The following SAMD11 variants were observed in gnomAD, a reference collection of about 807,000 sequenced individuals.
SAMD11 encodes sterile alpha motif domain-containing protein 11.
Under a neutral mutation model 64.4 loss-of-function variants are expected in SAMD11, and 77 were observed. The observed-to-expected ratio is 1.20, with a 90% CI of 0.99 to 1.44. The LOEUF (loss-of-function observed/expected upper bound fraction) is 1.44, where lower values mean the gene tolerates loss of function less well. Among genes scored for constraint, SAMD11 ranks in the 40% most tolerant of loss-of-function variants. The pLI, the probability that SAMD11 is intolerant of heterozygous loss-of-function variation, is 0.00. For missense variants in SAMD11, 1,402 were observed against 943.3 expected (o/e 1.49, Z -6.37); for synonymous variants, 658 against 421.9 (o/e 1.56, Z -6.86).
rs201447515 is a variant in SAMD11 at position 943,287 on chromosome 1, G to T, written c.2088G>T (p.Glu696Asp). The T allele has an allele frequency of 1.8e-5, 29 of 1,612,648 alleles. No individual in the cohort carries two copies. In the East Asian group the frequency reaches 6.0e-4, roughly 34 times the overall value. Residue 696 changes from glutamate to aspartate, a missense_variant, in exon 12 of 14, where the codon GAG becomes GAT. Transcript: ENST00000616016. ...GGGGACTCTCCATGGATGGGGAGGA[G>T]GCCCCAGCCCCTGAGGACGTCACCA... is the stretch of plus-strand genomic sequence containing the variant. ...AVGGLSMDGEEAPAPEDVTKW... is the reference protein window; with the variant it reads ...AVGGLSMDGEDAPAPEDVTKW...
At position 935,767 on chromosome 1, in the gene SAMD11, T is replaced by G. The variant is rs1479726301; in HGVS notation, c.843-5T>G. Reference sequence around the variant, plus strand: ...GGGTCAGCTTTTCCCGGTCTCGTTCTGCAGCCAGGACGGCAACCTTCCCAC... The same window carrying G: ...GGGTCAGCTTTTCCCGGTCTCGTTCGGCAGCCAGGACGGCAACCTTCCCAC... On this transcript the variant is annotated splice_region_variant and splice_polypyrimidine_tract_variant and intron_variant, in intron 4 of 13. Coordinates refer to ENST00000616016, the MANE Select transcript of SAMD11 (RefSeq NM_001385641.1). The G allele has an allele frequency of 8.7e-6, 14 of 1,613,284 alleles. No individual in the cohort carries two copies. The highest frequency in any genetic ancestry group is 1.2e-5 in the Non-Finnish European group (14 of 1,179,752).
intron 9 of SAMD11, 43 bp downstream of exon 9, chr1:942,294 C>A: frequency 1.9e-6 from 2 of 1,030,566 alleles, no homozygotes; most frequent in Non-Finnish European, 2.6e-6. Context: ...CGCGTGGAGG[C>A]TCGCGGACCC....
chr1:938,911 A>C (rs1004246047), intron 5 of SAMD11, 129 bp from the exon 6 acceptor site: 1 of 794,360 alleles, frequency 1.3e-6, no homozygotes, highest in African/African-American at 1.7e-5. Context: ...GGGCTGGGCA[A>C]GGCCTGTACT....
intron 4 of SAMD11, among the ~76,000 whole-genome samples, chr1:935,449 CTTT>C (rs1487824676): frequency 6.6e-6 from 1 of 152,178 alleles, no homozygotes; most frequent in East Asian, 1.9e-4. Context: ...CCTCGACCCC[CTTT>C]GAGGCAGGGA....
chr1:935,046 G>A (rs1170777756), intron 4 of SAMD11, among the ~76,000 whole-genome samples: 1 of 152,124 alleles, frequency 6.6e-6, no homozygotes, highest in Non-Finnish European at 1.5e-5. Context: ...TCACGGAACC[G>A]GGAAGGGGTG....
chr1:925,818 G>T, intron 1 of SAMD11, 104 bp from the exon 2 acceptor site: 2 of 805,660 alleles, frequency 2.5e-6, no homozygotes, highest in Non-Finnish European at 4.2e-6. Context: ...TGGGGTTCGG[G>T]GTGTATTTCG....
intron 4 of SAMD11, among the ~76,000 whole-genome samples, chr1:932,958 G>A (rs979980784): frequency 3.3e-5 from 5 of 152,324 alleles, no homozygotes; most frequent in Middle Eastern, 3.4e-3. Context: ...AATGAGGGGC[G>A]GTGGCGGGAG....
Position 924,153 on chromosome 1 carries a change from G to A in SAMD11, c.-279G>A, listed in dbSNP as rs1640779959. The A allele has an allele frequency of 6.7e-6, 1 of 149,622 alleles. No individual in the cohort carries two copies. The highest frequency in any genetic ancestry group is 2.4e-5 in the African/African-American group (1 of 41,148). The allele number at this position is 149,622 out of a possible 1,614,324, so 9.3% of individuals were successfully genotyped here. Reference sequence around the variant, plus strand: ...GGGCGCGGGACTCCAGACGCCCCGGGGAGCCCCGAGGCCCTGGAACTGCGG... The same window carrying A: ...GGGCGCGGGACTCCAGACGCCCCGGAGAGCCCCGAGGCCCTGGAACTGCGG... On this transcript the variant is annotated 5_prime_UTR_variant, in exon 1 of 14. Coordinates refer to ENST00000616016, the MANE Select transcript of SAMD11 (RefSeq NM_001385641.1).
rs1557608205 is a variant in SAMD11 at position 940,305 on chromosome 1, C to CG, written c.1196-839_1196-838insG. On this transcript the variant is annotated intron_variant, in intron 7 of 13. Coordinates refer to ENST00000616016, the MANE Select transcript of SAMD11 (RefSeq NM_001385641.1). ...ATCAGGCCGCGCCGCCGCCCCCCCC[C>CG]CCCGCCCCGCCGCGGAGCCGGCCGT... The CG allele has an allele frequency of 8.4e-4, 121 of 143,966 alleles. 1 individual carries two copies. Among genetic ancestry groups the CG allele is most frequent in the African/African-American group, 2.6e-3 (105 of 40,504 alleles). The allele number at this position is 143,966 out of a possible 1,614,324, so 8.9% of individuals were successfully genotyped here.
Position 942,688 on chromosome 1 carries a change from G to C in SAMD11, c.1683G>C (p.Leu561=). 4.2e-6 allele frequency: 6 copies of C among 1,433,930 alleles called. No individual in the cohort carries two copies. The highest frequency in any genetic ancestry group is 5.4e-6 in the Non-Finnish European group (6 of 1,104,248). The allele number at this position is 1,433,930 out of a possible 1,614,324, so 88.8% of individuals were successfully genotyped here. Residue 561 remains leucine (L), a synonymous_variant, in exon 11 of 14, where the codon CTG becomes CTC. Coordinates refer to ENST00000616016, the MANE Select transcript of SAMD11 (RefSeq NM_001385641.1). ...AGCTGCAGCGGCGCGGGGCCCTGCT[G>C]GTGCTGAACCACGGCGCGGCGCCAC... ...AEELQRRGAL[L]VLNHGAAPLL...
rs199998341 is a variant in SAMD11 at position 944,041 on chromosome 1, C to A, written c.2423C>A (p.Thr808Lys). ...GEQPLSPTTA[T>K]SPYGGGHALA... ...CAGCCCTTGTCCCCCACGACGGCCA[C>A]GTCCCCCTATGGAGGGGGCCACGCC... The change falls in exon 14 of 14, where the codon ACG becomes AAG. Residue 808 changes from threonine to lysine, a missense_variant. Transcript: ENST00000616016. 2 of 1,612,824 alleles carry A rather than the reference C, an allele frequency of 1.2e-6. No homozygotes were observed. The highest frequency in any genetic ancestry group is 1.7e-6 in the Non-Finnish European group (2 of 1,179,964).
At chr1:926,097 A>G in intron 2 of SAMD11, 84 bp downstream of exon 2, 1 of 1,359,346 alleles carries the variant, frequency 7.4e-7, no homozygotes, top group Non-Finnish European at 1.0e-6. Flanking sequence ...TTCAGGATCG[A>G]GAGTCCTAAC....
chr1:942,045 G>C, intron 8 of SAMD11, 91 bp from the exon 9 acceptor site: 1 of 447,682 alleles, frequency 2.2e-6, no homozygotes, highest in South Asian at 4.1e-5. Flanking sequence ...CCGCGGGGCC[G>C]GCAATTAGCG....
Position 944,316 on chromosome 1 carries a change from TG to T in SAMD11, c.*168del, listed in dbSNP as rs1642017533. The T allele has an allele frequency of 3.6e-6, 5 of 1,389,172 alleles. No individual in the cohort carries two copies. Among genetic ancestry groups the T allele is most frequent in the East Asian group, 2.7e-5 (1 of 36,630 alleles). The allele number at this position is 1,389,172 out of a possible 1,614,324, so 86.1% of individuals were successfully genotyped here. Reference sequence around the variant, plus strand: ...GGAAAGGAACAAATTTTCAAAGACTTGGGGGAGTGAAGGCAGAGCCTGGTGC... The same window carrying T: ...GGAAAGGAACAAATTTTCAAAGACTTGGGGAGTGAAGGCAGAGCCTGGTGC... On this transcript the variant is annotated 3_prime_UTR_variant, in exon 14 of 14. Transcript: ENST00000616016.
chr1:927,812 C>T (rs1016680410), intron 2 of SAMD11, among the ~76,000 whole-genome samples: 6 of 152,224 alleles, frequency 3.9e-5, no homozygotes, highest in African/African-American at 1.4e-4. Flanking sequence ...GAGGTGTGTT[C>T]TGTCCTTGGG....
rs776481309 is a variant in SAMD11, at chr1:930,115, TCTC to T, written c.610-34_610-32del. 1.2e-5 allele frequency: 19 copies of T among 1,530,442 alleles called. No individual in the cohort carries two copies. The African/African-American group carries it at 2.3e-4, about 19-fold the overall frequency. 94.8% of individuals were successfully genotyped at this position (1,530,442 alleles called of 1,614,324 possible). ...TTCCTCTCCTCCTGCCCCACCTTCC[TCTC>T]CTCCTGCCCCACCTTCCTCTCCTCC... On this transcript the variant is annotated intron_variant, in intron 2 of 13. Coordinates refer to ENST00000616016, the MANE Select transcript of SAMD11 (RefSeq NM_001385641.1).
Position 935,779 on chromosome 1 carries a change from G to T in SAMD11, c.850G>T (p.Gly284Cys). The change falls in exon 5 of 14, where the codon GGC (glycine) becomes TGC (cysteine). Residue 284 changes from glycine to cysteine, a missense_variant. Physicochemically the swap from Gly to Cys is radical, Grantham distance 159 (BLOSUM62 -3). Transcript: ENST00000616016. ...CCCGGTCTCGTTCTGCAGCCAGGAC[G>T]GCAACCTTCCCACCCTCATATCCAG... The part of the protein sequence containing the change: ...SFREASCSQD[G>C]NLPTLISSVH... The T allele has an allele frequency of 6.2e-7, 1 of 1,613,348 alleles. No individual in the cohort carries two copies. Among genetic ancestry groups the T allele is most frequent in the South Asian group, 1.1e-5 (1 of 91,054 alleles).
intron 5 of SAMD11, among the ~76,000 whole-genome samples, chr1:937,080 C>G (rs1641495597): frequency 6.6e-6 from 1 of 152,142 alleles, no homozygotes. Context: ...CCTCACGTGT[C>G]CTGGACCCGT....
At chr1:928,177 A>G (rs1484597282) in intron 2 of SAMD11, among the ~76,000 whole-genome samples, 1 of 152,110 alleles carries the variant, frequency 6.6e-6, no homozygotes, top group African/African-American at 2.4e-5. Flanking sequence ...GCGGATCACG[A>G]GGTCAGGAGA....
Sources: allele counts gnomAD v4.1 joint callset (sites outside exome capture counted in the v4.1 genomes callset), GRCh38; gene constraint gnomAD v4.1.1; transcripts MANE v1.5; gene names NCBI Gene and HGNC (gene_info 2026-07-23, HGNC 2026-07-21).